CDK12: variants seen among roughly 807,000 people sequenced by gnomAD.
CDK12 encodes the protein cyclin dependent kinase 12.
In CDK12, 17 loss-of-function variants were observed where a neutral mutation model predicts 133.8. The observed-to-expected ratio is 0.13, with a 90% CI of 0.09 to 0.19. CDK12 has a LOEUF of 0.19. CDK12 is among the 10% of genes least tolerant of loss of function. The probability of loss-of-function intolerance (pLI) is 1.00; values close to 1 mark genes in which losing one functional copy is unlikely to be tolerated. For missense variants in CDK12, 1,508 were observed against 1,818.7 expected (o/e 0.83, Z 3.11); for synonymous variants, 694 against 683.6 (o/e 1.02, Z -0.24).
intron 2 of CDK12, among the ~76,000 whole-genome samples, chr17:39,486,485 T>C (rs964380110): frequency 6.6e-6 from 1 of 151,968 alleles, no homozygotes; most frequent in African/African-American, 2.4e-5. Context: ...CAGGCTGGTC[T>C]TGAACTCCTG....
At chr17:39,544,403 T>A (rs2143909659), upstream of CDK12, 1 of 461,554 alleles carries the variant, frequency 2.2e-6, no homozygotes, top group East Asian at 5.1e-5. Context: ...CCTGCTTTTG[T>A]GTGGGATGAC....
intron 2 of CDK12, among the ~76,000 whole-genome samples, chr17:39,487,424 CT>C: frequency 6.6e-6 from 1 of 151,998 alleles, no homozygotes. Context: ...CAATATTTTC[CT>C]TTATAACTAC....
At chr17:39,563,085 T>C (rs1469649983) in intron 3 of CDK12, among the ~76,000 whole-genome samples, 1 of 152,140 alleles carries the variant, frequency 6.6e-6, no homozygotes, top group African/African-American at 2.4e-5. Context: ...GCTATTAATG[T>C]CTTCTCGGCT....
At chr17:39,505,652 A>T (rs563419677) in intron 6 of CDK12, among the ~76,000 whole-genome samples, 1 of 152,342 alleles carries the variant, frequency 6.6e-6, no homozygotes, top group African/African-American at 2.4e-5. Flanking sequence ...AGAGATTGAC[A>T]TGCTTTTTAT....
rs771747794 is a variant in CDK12 at position 39,470,961 on chromosome 17, T to A, written c.1129T>A (p.Ser377Thr). ...TCATAGTAAAAAGAAGAGATCCAGT[T>A]CACGCAGTCGTCATTCCAGTATCTC... ...SSHSKKKRSS[S>T]RSRHSSISPV... Residue 377 changes from serine (S) to threonine (T), a missense_variant, in exon 2 of 14, where the codon TCA (serine) becomes ACA (threonine). This residue lies in a region of CDK12 where 460 missense variants were observed against 490.8 expected (regional missense o/e 0.94). Transcript: ENST00000447079. 1 of 1,614,106 alleles carries A rather than the reference T, an allele frequency of 6.2e-7. No homozygotes were observed. Among genetic ancestry groups the A allele is most frequent in the Admixed American group, 1.7e-5 (1 of 59,998 alleles).
At position 39,526,273 on chromosome 17, in the gene CDK12, G is replaced by A. The variant is rs538121403; in HGVS notation, c.3717G>A (p.Gln1239=). ...ACAGTGACAAGAACAGTGGGCCACA[G>A]GGGCCCCGAAGAACTCCCACAATGC... ...ENNSDKNSGP[Q]GPRRTPTMPQ... The change falls in exon 13 of 14, where the codon CAG becomes CAA. Residue 1239 remains glutamine (Q), a synonymous_variant. Transcript: ENST00000447079. 5.7e-5 allele frequency: 91 copies of A among 1,604,932 alleles called. No individual in the cohort carries two copies. The highest frequency in any genetic ancestry group is 7.6e-5 in the Non-Finnish European group (89 of 1,176,162).
In CDK12 at chr17:39,471,349, T is replaced by C. The variant is rs757083341; in HGVS notation, c.1517T>C (p.Ile506Thr). 3.7e-6 allele frequency: 6 copies of C among 1,613,854 alleles called. No homozygotes were observed. Among genetic ancestry groups the C allele is most frequent in the Non-Finnish European group, 2.5e-6 (3 of 1,179,960 alleles). The change falls in exon 2 of 14, where the codon ATA (isoleucine) becomes ACA (threonine). Residue 506 changes from isoleucine (I) to threonine (T), a missense_variant. By Grantham distance (89) the Ile-to-Thr change is moderately conservative. Around this residue, in one of 9 missense-constraint regions of CDK12, gnomAD observed 347 missense variants for 330.8 expected, o/e 1.05. Transcript: ENST00000447079. ...CAGGGAACAAGAGACTCTAAACCCATAGCACTGAAAGAGGAGATTGTTACT... is the reference window on the plus strand; with the variant it reads ...CAGGGAACAAGAGACTCTAAACCCACAGCACTGAAAGAGGAGATTGTTACT... ...KAQGTRDSKP[I>T]ALKEEIVTPK...
At chr17:39,561,571 A>G (rs181623439) in intron 3 of CDK12, among the ~76,000 whole-genome samples, 56 of 152,282 alleles carry the variant, frequency 3.7e-4, no homozygotes, top group South Asian at 6.2e-4. Context: ...ACAGGTGGAA[A>G]CCTAGAGTTG....
chr17:39,515,738 C>T lies in CDK12; in HGVS notation c.2776C>T (p.Leu926Phe). ...CAATTTTACCTTTTCTAGATGTATT[C>T]TTGGGGAACTATTCACAAAGAAGCC... ...AIDVWSCGCILGELFTKKPIF... is the reference protein window; with the variant it reads ...AIDVWSCGCIFGELFTKKPIF... Residue 926 changes from leucine (L) to phenylalanine (F), a missense_variant, in exon 9 of 14, where the codon CTT becomes TTT. By Grantham distance (22) the Leu-to-Phe change is conservative. This residue lies in a region of CDK12 where 82 missense variants were observed against 201.5 expected (regional missense o/e 0.41). Coordinates refer to ENST00000447079, the MANE Select transcript of CDK12 (RefSeq NM_016507.4). 6.2e-7 allele frequency: 1 copy of T among 1,609,530 alleles called. No homozygotes were observed. Among genetic ancestry groups the T allele is most frequent in the Non-Finnish European group, 8.5e-7 (1 of 1,176,172 alleles).
chr17:39,463,215 CATT>C, intron 1 of CDK12, 98 bp downstream of exon 1: 2 of 1,032,968 alleles, frequency 1.9e-6, no homozygotes, highest in South Asian at 3.0e-5. Context: ...CAGTGTTCAT[CATT>C]GACTAGAACA....
rs1037642064 is a variant in CDK12 at position 39,533,017 on chromosome 17, A to T, written c.*1701A>T. 5 of 232,640 alleles carry T rather than the reference A, an allele frequency of 2.1e-5. No homozygotes were observed. Among genetic ancestry groups the T allele is most frequent in the Non-Finnish European group, 3.4e-5 (4 of 117,762 alleles). 14.4% of individuals were successfully genotyped at this position (232,640 alleles called of 1,614,324 possible). On this transcript the variant is annotated 3_prime_UTR_variant, in exon 14 of 14. Transcript: ENST00000447079. The stretch of plus-strand genomic sequence containing the variant: ...TTCAAAACTCAAGTTTCATGTTTCA[A>T]TGCCAAGTTCTTATTTTAAAAAATA...
chr17:39,540,036 A>G (rs2143704238), intron 1 of CDK12, among the ~76,000 whole-genome samples: 1 of 152,340 alleles, frequency 6.6e-6, no homozygotes, highest in South Asian at 2.1e-4. Flanking sequence ...CACATTGAGG[A>G]CTTTTGTAGC....
At chr17:39,519,298 C>CTTTTTT (rs386386050) in intron 10 of CDK12, among the ~76,000 whole-genome samples, 3 of 53,976 alleles carry the variant, frequency 5.6e-5, no homozygotes, top group Admixed American at 2.9e-4. Context: ...AATTCAAAGA[C>CTTTTTT]TTTTTTTTTT....
At chr17:39,545,491 A>G (rs1383074370), upstream of CDK12, among the ~76,000 whole-genome samples, 1 of 147,156 alleles carries the variant, frequency 6.8e-6, no homozygotes, top group South Asian at 2.1e-4. Context: ...CCCAGCCCCA[A>G]AAAGCTTTTT....
rs1284313855 is a variant in CDK12 at position 39,470,926 on chromosome 17, A to T, written c.1094A>T (p.His365Leu). Residue 365 changes from histidine to leucine, a missense_variant, in exon 2 of 14, where the codon CAT becomes CTT. By Grantham distance (99) the His-to-Leu change is moderately conservative. This residue lies in a region of CDK12 where 460 missense variants were observed against 490.8 expected (regional missense o/e 0.94). Coordinates refer to ENST00000447079, the MANE Select transcript of CDK12 (RefSeq NM_016507.4). ...SRSRSPAYSR[H>L]SSSHSKKKRS... ...AGTAGAAGTCCTGCATATTCAAGAC[A>T]TTCATCTTCTCATAGTAAAAAGAAG... 1 of 1,612,286 alleles carries T rather than the reference A, an allele frequency of 6.2e-7. No homozygotes were observed. Among genetic ancestry groups the T allele is most frequent in the Non-Finnish European group, 8.5e-7 (1 of 1,179,648 alleles).
chr17:39,501,863 A>C (rs1487399526), intron 6 of CDK12, among the ~76,000 whole-genome samples: 2 of 151,180 alleles, frequency 1.3e-5, no homozygotes, highest in Non-Finnish European at 2.9e-5. Flanking sequence ...TTTTTTTTGA[A>C]GATGGAATTT....
At position 39,505,523 on chromosome 17, in the gene CDK12, C is replaced by CAAA. The variant is rs369918356; in HGVS notation, c.2609+4102_2609+4104dup. Among the ~76,000 whole-genome samples, 252 of 96,850 alleles carry CAAA rather than the reference C, an allele frequency of 2.6e-3. 5 individuals carry two copies. Among genetic ancestry groups the CAAA allele is most frequent in the Middle Eastern group, 6.0e-3 (1 of 168 alleles). The allele number at this position is 96,850 out of a possible 152,430, so 63.5% of individuals were successfully genotyped here. ...CTGGTGACAGAGCGAGACTCCGTCT[C>CAAA]AAAAAAAAAAAAAAAAAAAAGATTT... On this transcript the variant is annotated intron_variant, in intron 6 of 13. Transcript: ENST00000447079.
At chr17:39,556,033 CAAAA>C (rs145940269) in intron 2 of CDK12, among the ~76,000 whole-genome samples, 5 of 72,356 alleles carry the variant, frequency 6.9e-5, no homozygotes, top group Admixed American at 3.1e-4. Context: ...GACCCTGTCT[CAAAA>C]AAAAAAAAAA....
chr17:39,482,264 G>T (rs1319016658), intron 2 of CDK12, among the ~76,000 whole-genome samples: 1 of 151,826 alleles, frequency 6.6e-6, no homozygotes, highest in Non-Finnish European at 1.5e-5. Context: ...CACCCGCCTC[G>T]GCCTCTCAGA....
Sources: allele counts gnomAD v4.1 joint callset (sites outside exome capture counted in the v4.1 genomes callset), GRCh38; gene constraint gnomAD v4.1.1; regional missense constraint gnomAD v4.1.1; transcripts MANE v1.5; gene names NCBI Gene and HGNC (gene_info 2026-07-23, HGNC 2026-07-21).